MAP4K3: variants seen among roughly 807,000 people sequenced by gnomAD.
MAP4K3 encodes MAPK/ERK kinase kinase kinase 3.
Under a neutral mutation model 143.5 loss-of-function variants are expected in MAP4K3, and 94 were observed. That is an observed-to-expected ratio of 0.65 (90% CI 0.55 to 0.78). The LOEUF (loss-of-function observed/expected upper bound fraction) is 0.78, where lower values mean the gene tolerates loss of function less well. Among genes scored for constraint, MAP4K3 ranks in the 30% least tolerant of loss-of-function variants. MAP4K3 has a pLI of 0.00. For missense variants in MAP4K3, 1,077 were observed against 1,068.1 expected, an observed-to-expected ratio of 1.01 and a Z score of -0.12; for synonymous variants, 416 against 347.2, an observed-to-expected ratio of 1.20 and a Z score of -2.20.
intron 12 of MAP4K3, among the ~76,000 whole-genome samples, chr2:39,320,931 G>A (rs1440723259): frequency 6.6e-6 from 1 of 152,006 alleles, no homozygotes; most frequent in Non-Finnish European, 1.5e-5. Context: ...TCAAGAACAA[G>A]ACTCAAACTA....
intron 1 of MAP4K3, among the ~76,000 whole-genome samples, chr2:39,404,617 C>CTTTTTT (rs1174319224): frequency 1.0e-4 from 9 of 86,116 alleles, no homozygotes; most frequent in Admixed American, 1.3e-4. Flanking sequence ...TTCTTTCTTT[C>CTTTTTT]TTTTTTTTTT....
intron 1 of MAP4K3, among the ~76,000 whole-genome samples, chr2:39,408,639 C>CA (rs139980257): frequency 0.89 from 120,817 of 135,932 alleles, 53,857 homozygotes; most frequent in East Asian, 0.96. Flanking sequence ...GCAGATATGG[C>CA]AAAAAAAAAA....
At chr2:39,381,799 A>T (rs900261100) in intron 1 of MAP4K3, among the ~76,000 whole-genome samples, 1 of 152,110 alleles carries the variant, frequency 6.6e-6, no homozygotes, top group Non-Finnish European at 1.5e-5. Context: ...ACAACCTGCT[A>T]TTCCCCAGAG....
intron 1 of MAP4K3, among the ~76,000 whole-genome samples, chr2:39,384,908 CA>C (rs1335226976): frequency 4.6e-5 from 7 of 152,198 alleles, no homozygotes; most frequent in African/African-American, 1.7e-4. Context: ...CAATGGAAGT[CA>C]TAATCCTCCC....
intron 1 of MAP4K3, among the ~76,000 whole-genome samples, chr2:39,397,399 T>C (rs1198786188): frequency 1.3e-5 from 2 of 152,194 alleles, no homozygotes; most frequent in Non-Finnish European, 2.9e-5. Flanking sequence ...AGCAACTAAA[T>C]ATTTGTATAT....
chr2:39,273,983 A>AACT (rs1188602133), intron 24 of MAP4K3, among the ~76,000 whole-genome samples: 1 of 152,188 alleles, frequency 6.6e-6, no homozygotes, highest in Non-Finnish European at 1.5e-5. Context: ...TTCAGTGTTG[A>AACT]ACTGGGTTTT....
At chr2:39,285,071 T>C (rs192346090) in intron 21 of MAP4K3, among the ~76,000 whole-genome samples, 27 of 152,066 alleles carry the variant, frequency 1.8e-4, no homozygotes, top group Admixed American at 1.4e-3. Flanking sequence ...TTTTTATTTT[T>C]TGTAGAGACA....
chr2:39,413,870 T>G (rs1276561654), intron 1 of MAP4K3, among the ~76,000 whole-genome samples: 1 of 152,132 alleles, frequency 6.6e-6, no homozygotes, highest in Non-Finnish European at 1.5e-5. Flanking sequence ...TCTTGCTTCT[T>G]AACAGAAAAT....
At chr2:39,377,201 C>CTTTTTTTTTTTTTTTTTTTT (rs56149359) in intron 2 of MAP4K3, among the ~76,000 whole-genome samples, 2 of 110,588 alleles carry the variant, frequency 1.8e-5, no homozygotes, top group African/African-American at 5.9e-5. Flanking sequence ...GCTATTTGGC[C>CTTTTTTTTTTTTTTTTTTTT]TTTTTTTTTT....
chr2:39,295,412 T>C (rs1244837735), intron 16 of MAP4K3, among the ~76,000 whole-genome samples: 1 of 151,994 alleles, frequency 6.6e-6, no homozygotes, highest in Non-Finnish European at 1.5e-5. Context: ...TTGATAGTTA[T>C]AACCCCCATA....
At chr2:39,299,880 TA>T in intron 15 of MAP4K3, 79 bp from the exon 16 acceptor site, 1 of 531,012 alleles carries the variant, frequency 1.9e-6, no homozygotes, top group Non-Finnish European at 3.1e-6. Context: ...TAATACATAT[TA>T]TTTTTAAAAG....
chr2:39,345,103 T>G (rs898974625), intron 3 of MAP4K3, among the ~76,000 whole-genome samples: 1 of 152,174 alleles, frequency 6.6e-6, no homozygotes, highest in African/African-American at 2.4e-5. Context: ...CCAGGCCCAG[T>G]GGCTCACACC....
intron 1 of MAP4K3, among the ~76,000 whole-genome samples, chr2:39,423,621 G>C (rs980364403): frequency 6.6e-6 from 1 of 152,152 alleles, no homozygotes; most frequent in African/African-American, 2.4e-5. Flanking sequence ...AAAAGTTATG[G>C]AAGAAACTTA....
chr2:39,281,639 G>A (rs1046093281), intron 22 of MAP4K3, among the ~76,000 whole-genome samples: 5 of 152,016 alleles, frequency 3.3e-5, no homozygotes, highest in Middle Eastern at 3.2e-3. Context: ...GCATTCCACA[G>A]ATAGCTTTTC....
At chr2:39,383,610 C>G (rs980519806) in intron 1 of MAP4K3, among the ~76,000 whole-genome samples, 1 of 151,794 alleles carries the variant, frequency 6.6e-6, no homozygotes, top group African/African-American at 2.4e-5. Flanking sequence ...GCCTATTGTA[C>G]CGGTAGAATT....
At chr2:39,305,134 T>C (rs1381127953) in intron 15 of MAP4K3, among the ~76,000 whole-genome samples, 1 of 152,094 alleles carries the variant, frequency 6.6e-6, no homozygotes, top group Admixed American at 6.5e-5. Flanking sequence ...AGATGGAGAG[T>C]GGTGGCAGCT....
At chr2:39,367,666 G>C (rs1378710920) in intron 2 of MAP4K3, among the ~76,000 whole-genome samples, 2 of 152,230 alleles carry the variant, frequency 1.3e-5, no homozygotes, top group East Asian at 1.9e-4. Flanking sequence ...AGATATTTGG[G>C]GGACTGAGGT....
intron 15 of MAP4K3, among the ~76,000 whole-genome samples, chr2:39,302,429 A>T (rs913554731): frequency 1.3e-5 from 2 of 152,252 alleles, no homozygotes; most frequent in African/African-American, 2.4e-5. Flanking sequence ...TCTGACAGGA[A>T]TTCATACAGA....
In MAP4K3 at chr2:39,249,928, TG is replaced by T. The variant is rs1680084100; in HGVS notation, c.*689del. The T allele has an allele frequency of 6.6e-6, 1 of 152,414 alleles. No individual in the cohort carries two copies. The highest frequency in any genetic ancestry group is 2.4e-5 in the African/African-American group (1 of 41,580). The allele number at this position is 152,414 out of a possible 1,614,324, so 9.4% of individuals were successfully genotyped here. On this transcript the variant is annotated 3_prime_UTR_variant, in exon 34 of 34. Coordinates refer to ENST00000263881, the MANE Select transcript of MAP4K3 (RefSeq NM_003618.4). ...AACATGTGGTTAATTATAATTGGTT[TG>T]CTTCACATAGAAAACAATCCAAATA... is the stretch of plus-strand genomic sequence containing the variant.
Sources: gnomAD v4.1 joint callset for allele counts (sites outside exome capture counted in the v4.1 genomes callset) on GRCh38, gnomAD v4.1.1 for gene constraint, MANE v1.5 for transcripts, NCBI Gene and HGNC (gene_info 2026-07-23, HGNC 2026-07-21) for gene names.